The following CNTN4 variants were observed in gnomAD, a reference collection of about 807,000 sequenced individuals.
CNTN4 encodes contactin 4.
A neutral mutation model predicts 122.5 loss-of-function variants in CNTN4; 77 were observed. The observed-to-expected ratio is 0.63, with a 90% confidence interval of 0.52 to 0.76. CNTN4 has a LOEUF of 0.76. CNTN4 is among the 30% of genes least tolerant of loss of function. The pLI is 0.00. For synonymous variants in CNTN4, 512 were observed against 447.0 expected, an observed-to-expected ratio of 1.15 and a Z score of -1.83; for missense variants, 1,256 against 1,259.1, an observed-to-expected ratio of 1.00 and a Z score of 0.04.
chr3:2,864,231 G>T (rs1238250107), intron 7 of CNTN4, among the ~76,000 whole-genome samples: 1 of 152,136 alleles, frequency 6.6e-6, no homozygotes, highest in African/African-American at 2.4e-5. Flanking sequence ...AGCTGAACAT[G>T]AAGTTTAAAT....
At chr3:2,793,862 G>T (rs1177182537) in intron 6 of CNTN4, among the ~76,000 whole-genome samples, 1 of 152,152 alleles carries the variant, frequency 6.6e-6, no homozygotes, top group African/African-American at 2.4e-5. Flanking sequence ...ATAGCATTCA[G>T]TTAGTAACCC....
intron 3 of CNTN4, among the ~76,000 whole-genome samples, chr3:2,482,186 T>G (rs187332741): frequency 5.3e-4 from 81 of 152,224 alleles, no homozygotes; most frequent in Non-Finnish European, 1.1e-3. Context: ...ATATGGACAA[T>G]GAAGTCCAGT....
chr3:2,751,661 A>G (rs1015401095), intron 6 of CNTN4, among the ~76,000 whole-genome samples: 5 of 152,156 alleles, frequency 3.3e-5, no homozygotes, highest in Non-Finnish European at 7.4e-5. Flanking sequence ...ATGAAGTGCT[A>G]TAGCTCCATC....
At chr3:2,621,159 C>CG (rs201501946) in intron 4 of CNTN4, among the ~76,000 whole-genome samples, 1,931 of 90,146 alleles carry the variant, frequency 0.021, 16 homozygotes, top group Non-Finnish European at 0.025. Flanking sequence ...TAACGTTAAG[C>CG]ACCCCCTGTT....
chr3:2,273,079 G>A (rs1484911234), intron 2 of CNTN4, among the ~76,000 whole-genome samples: 3 of 152,262 alleles, frequency 2.0e-5, no homozygotes, highest in African/African-American at 4.8e-5. Flanking sequence ...GTGGTCAAAT[G>A]TTTCTGCCAT....
At chr3:2,910,626 T>A (rs540319985) in intron 12 of CNTN4, among the ~76,000 whole-genome samples, 1 of 152,286 alleles carries the variant, frequency 6.6e-6, no homozygotes, top group South Asian at 2.1e-4. Context: ...TTGAATTGAG[T>A]CATATTGTAA....
intron 2 of CNTN4, among the ~76,000 whole-genome samples, chr3:2,252,766 G>A (rs541090267): frequency 2.4e-4 from 37 of 152,114 alleles, no homozygotes; most frequent in African/African-American, 8.9e-4. Context: ...CCACTGATTT[G>A]TCTTCCAAAA....
chr3:2,635,409 G>A lies in CNTN4; in HGVS notation c.55+63851G>A, dbSNP rs117585273. On this transcript the variant is annotated intron_variant, in intron 4 of 24. Coordinates refer to ENST00000418658, the MANE Select transcript of CNTN4 (RefSeq NM_175607.3). Reference sequence around the variant, plus strand: ...GCCATGCCTTATCTCCCATTTAACTGTAATTTGAAAGTGAAAAATCTGTGA... The same window carrying A: ...GCCATGCCTTATCTCCCATTTAACTATAATTTGAAAGTGAAAAATCTGTGA... 3.4e-3 allele frequency among the ~76,000 whole-genome samples: 515 copies of A among 152,180 alleles called. 19 individuals carry two copies. In the East Asian group the frequency reaches 0.061, roughly 18 times the overall value.
chr3:2,882,511 C>T (rs193131757), intron 8 of CNTN4, among the ~76,000 whole-genome samples: 3 of 152,284 alleles, frequency 2.0e-5, no homozygotes, highest in Admixed American at 6.5e-5. Flanking sequence ...GAATATGACC[C>T]TCCAAATAAG....
rs556824706 is a variant in CNTN4, at chr3:2,291,080, A to C, written c.-144-48098A>C. ...TGTAGCTGTACTTTTGAATAACTGC[A>C]TCTGTCCATGGCCACTGAGAATCTA... On this transcript the variant is annotated intron_variant, in intron 2 of 24. Transcript: ENST00000418658. Among the ~76,000 whole-genome samples, 4 of 152,290 alleles carry C rather than the reference A, an allele frequency of 2.6e-5. No individual in the cohort carries two copies. The East Asian group carries it at 7.7e-4, about 29-fold the overall frequency.
intron 2 of CNTN4, among the ~76,000 whole-genome samples, chr3:2,336,467 T>C (rs997595776): frequency 6.6e-5 from 10 of 152,202 alleles, no homozygotes; most frequent in African/African-American, 2.4e-4. Flanking sequence ...GCATTGTGAC[T>C]TATTTGTATT....
intron 3 of CNTN4, among the ~76,000 whole-genome samples, chr3:2,341,872 A>T (rs953635833): frequency 1.3e-5 from 2 of 152,336 alleles, no homozygotes; most frequent in South Asian, 4.1e-4. Context: ...CCAGATGACA[A>T]AGAGGGCTTA....
intron 3 of CNTN4, among the ~76,000 whole-genome samples, chr3:2,379,515 C>T (rs976598744): frequency 3.9e-5 from 6 of 152,130 alleles, no homozygotes; most frequent in South Asian, 2.1e-4. Context: ...TACCACAGGC[C>T]TCTTTTGTCT....
chr3:2,786,795 G>C (rs766813757), intron 6 of CNTN4, among the ~76,000 whole-genome samples: 5 of 152,158 alleles, frequency 3.3e-5, no homozygotes, highest in Non-Finnish European at 5.9e-5. Context: ...ATCCATTTCT[G>C]TGAAGTGCAA....
intron 4 of CNTN4, among the ~76,000 whole-genome samples, chr3:2,582,373 C>G (rs552218385): frequency 4.6e-5 from 7 of 152,092 alleles, no homozygotes; most frequent in Non-Finnish European, 7.4e-5. Flanking sequence ...GTGGCATAAT[C>G]AGATTCCAAG....
chr3:2,134,789 C>T (rs896647742), intron 2 of CNTN4, among the ~76,000 whole-genome samples: 6 of 152,152 alleles, frequency 3.9e-5, no homozygotes, highest in Admixed American at 6.5e-5. Context: ...CCAGCTTATG[C>T]GGCAGTCATG....
chr3:2,875,900 G>A (rs2093838721), intron 8 of CNTN4, among the ~76,000 whole-genome samples: 1 of 152,142 alleles, frequency 6.6e-6, no homozygotes, highest in Non-Finnish European at 1.5e-5. Flanking sequence ...TGCCCAAACT[G>A]GAAACTATTA....
chr3:2,980,013 G>T (rs1391577231), intron 13 of CNTN4, among the ~76,000 whole-genome samples: 1 of 152,130 alleles, frequency 6.6e-6, no homozygotes, highest in African/African-American at 2.4e-5. Flanking sequence ...CAAAAGAAAA[G>T]ATCAGCATTT....
intron 3 of CNTN4, among the ~76,000 whole-genome samples, chr3:2,353,061 G>C (rs1366502532): frequency 1.3e-5 from 2 of 152,124 alleles, no homozygotes; most frequent in African/African-American, 4.8e-5. Flanking sequence ...TCAGTGCTCT[G>C]TGTCTAGCTA....
Sources: gnomAD v4.1 joint callset for allele counts (sites outside exome capture counted in the v4.1 genomes callset) on GRCh38, gnomAD v4.1.1 for gene constraint, MANE v1.5 for transcripts, NCBI Gene and HGNC (gene_info 2026-07-23, HGNC 2026-07-21) for gene names.